The following PRKAG2 variants were observed in gnomAD, a reference collection of about 807,000 sequenced individuals.
PRKAG2 encodes protein kinase AMP-activated non-catalytic subunit gamma 2.
A neutral mutation model predicts 69.6 loss-of-function variants in PRKAG2; 26 were observed. That is an observed-to-expected ratio of 0.37 (90% confidence interval 0.27 to 0.52). The LOEUF is 0.52. Ranked by LOEUF, PRKAG2 falls within the 20% of genes least tolerant of loss-of-function variation. PRKAG2 has a pLI of 0.90. For missense variants in PRKAG2, 557 were observed against 740.0 expected, an observed-to-expected ratio of 0.75 and a Z score of 2.87; for synonymous variants, 293 against 285.0, an observed-to-expected ratio of 1.03 and a Z score of -0.28.
intron 4 of PRKAG2, among the ~76,000 whole-genome samples, chr7:151,672,886 A>G (rs546952672): frequency 2.9e-4 from 44 of 152,208 alleles, no homozygotes; most frequent in African/African-American, 1.1e-3. Context: ...GACACAGCTG[A>G]GCATACTCAC....
intron 3 of PRKAG2, among the ~76,000 whole-genome samples, chr7:151,765,960 T>C (rs1293954925): frequency 6.6e-6 from 1 of 152,228 alleles, no homozygotes; most frequent in East Asian, 1.9e-4. Flanking sequence ...ATTGGGGACC[T>C]TCCTAACGTT....
At chr7:151,700,083 T>C (rs917710433) in intron 3 of PRKAG2, among the ~76,000 whole-genome samples, 14 of 152,230 alleles carry the variant, frequency 9.2e-5, no homozygotes, top group Non-Finnish European at 1.9e-4. Context: ...TGTCATCTCA[T>C]AGGAAACAGG....
intron 3 of PRKAG2, among the ~76,000 whole-genome samples, chr7:151,749,570 A>AT (rs761640299): frequency 7.4e-4 from 112 of 152,356 alleles, no homozygotes; most frequent in Middle Eastern, 3.4e-3. Flanking sequence ...CATATATCTG[A>AT]TAAGTGTCTA....
At chr7:151,684,781 G>A (rs2151505946) in intron 3 of PRKAG2, among the ~76,000 whole-genome samples, 1 of 152,240 alleles carries the variant, frequency 6.6e-6, no homozygotes, top group Admixed American at 6.5e-5. Flanking sequence ...TGACAAGTTG[G>A]GGTCTCCTCC....
chr7:151,631,903 G>C, intron 5 of PRKAG2, 166 bp downstream of exon 5: 1 of 634,448 alleles, frequency 1.6e-6, no homozygotes, highest in Non-Finnish European at 2.3e-6. Flanking sequence ...GAGCTCGCCG[G>C]CGCCCGCATC....
rs73728300 is a variant in PRKAG2 at position 151,802,706 on chromosome 7, G to A, written c.115-16165C>T. ...CTGAAACCTTCAGTGGTTGCTTCCT[G>A]CCTGCAGAAGGTGTCGGACTCTGCC... On this transcript the variant is annotated intron_variant, in intron 1 of 15. Transcript: ENST00000287878. Among the ~76,000 whole-genome samples, 689 of 152,186 alleles carry A rather than the reference G, an allele frequency of 4.5e-3. 7 individuals carry two copies. Among genetic ancestry groups the A allele is most frequent in the African/African-American group, 0.016 (665 of 41,536 alleles).
At chr7:151,717,998 A>T (rs960859095) in intron 3 of PRKAG2, among the ~76,000 whole-genome samples, 3 of 151,926 alleles carry the variant, frequency 2.0e-5, no homozygotes, top group Admixed American at 2.0e-4. Flanking sequence ...GAGTGGGGGG[A>T]AGGGGCTCTG....
intron 1 of PRKAG2, among the ~76,000 whole-genome samples, chr7:151,822,879 T>G (rs1420283761): frequency 6.6e-6 from 1 of 152,186 alleles, no homozygotes; most frequent in Non-Finnish European, 1.5e-5. Context: ...ACACAGAATG[T>G]TCAGCCCTGA....
rs1805978750 is a variant in PRKAG2, at chr7:151,565,268, A to T, written c.1437+78T>A. 3 of 1,133,536 alleles carry T rather than the reference A, an allele frequency of 2.6e-6. No homozygotes were observed. The East Asian group carries it at 8.5e-5, about 32-fold the overall frequency. 70.2% of individuals were successfully genotyped at this position (1,133,536 alleles called of 1,614,324 possible). The stretch of plus-strand genomic sequence containing the variant: ...AGAAATTATTAAATTAAGAAACAAG[A>T]TAAAAACATAAAAACACATTACATG... On this transcript the variant is annotated intron_variant, in intron 13 of 15. Transcript: ENST00000287878.
Position 151,632,358 on chromosome 7 carries a change from C to A in PRKAG2, c.685-220G>T. 1 of 528,310 alleles carries A rather than the reference C, an allele frequency of 1.9e-6. No individual in the cohort carries two copies. The highest frequency in any genetic ancestry group is 2.4e-6 in the Non-Finnish European group (1 of 414,716). 32.7% of individuals were successfully genotyped at this position (528,310 alleles called of 1,614,324 possible). ...CGCCGCAGGTGGCGCGGCCGCGGCCCGCGTGCCCCTCCGCGAGTGGGACGC... is the reference window on the plus strand; with the variant it reads ...CGCCGCAGGTGGCGCGGCCGCGGCCAGCGTGCCCCTCCGCGAGTGGGACGC... On this transcript the variant is annotated intron_variant, in intron 4 of 15. Transcript: ENST00000287878. This position sits in a 1 kb window ranked among gnomAD's most constrained non-coding sequence, Gnocchi z 4.2.
intron 1 of PRKAG2, among the ~76,000 whole-genome samples, chr7:151,825,524 C>A (rs1416999211): frequency 6.6e-6 from 1 of 152,228 alleles, no homozygotes; most frequent in African/African-American, 2.4e-5. Context: ...CATGCACTGG[C>A]CGCTCCCCAT....
At chr7:151,566,677 T>A in intron 11 of PRKAG2, 1 of 403,972 alleles carries the variant, frequency 2.5e-6, no homozygotes. Context: ...AAAGAGTTCA[T>A]CAATATTCAA....
chr7:151,736,127 C>A (rs1799757021), intron 3 of PRKAG2: 2 of 1,479,036 alleles, frequency 1.4e-6, no homozygotes, highest in South Asian at 1.3e-5. Context: ...CTCAGAGTGG[C>A]AGCCTGTGCT....
chr7:151,853,196 G>C (rs977469777), intron 1 of PRKAG2, among the ~76,000 whole-genome samples: 1 of 152,206 alleles, frequency 6.6e-6, no homozygotes, highest in Non-Finnish European at 1.5e-5. Context: ...GGATGCGTGA[G>C]TGTGCTGTCC....
At chr7:151,837,660 C>T (rs79369446) in intron 1 of PRKAG2, among the ~76,000 whole-genome samples, 14,338 of 152,128 alleles carry the variant, frequency 0.094, 990 homozygotes, top group East Asian at 0.36. Context: ...TTCTGAATGC[C>T]ACACGCGAGG....
intron 5 of PRKAG2, among the ~76,000 whole-genome samples, chr7:151,619,491 G>A (rs1227273559): frequency 2.6e-5 from 4 of 152,196 alleles, no homozygotes; most frequent in African/African-American, 4.8e-5. Flanking sequence ...AGTCAGGAAC[G>A]ATGGTGATGC....
chr7:151,599,841 A>C (rs1413570321), intron 5 of PRKAG2, among the ~76,000 whole-genome samples: 2 of 152,150 alleles, frequency 1.3e-5, no homozygotes, highest in African/African-American at 4.8e-5. Context: ...CTGACCTATA[A>C]GACCTGGGAG....
chr7:151,864,234 C>G (rs2080005969), intron 1 of PRKAG2, among the ~76,000 whole-genome samples: 1 of 152,236 alleles, frequency 6.6e-6, no homozygotes, highest in Admixed American at 6.5e-5. Context: ...AAGCCCTTCC[C>G]TGACCGTAGC....
chr7:151,585,866 G>A (rs921727033), intron 6 of PRKAG2, among the ~76,000 whole-genome samples: 5 of 152,230 alleles, frequency 3.3e-5, no homozygotes, highest in Admixed American at 6.5e-5. Context: ...CAGGAAGGGA[G>A]GAAGGAGACG....
Sources: gnomAD v4.1 joint callset for allele counts (sites outside exome capture counted in the v4.1 genomes callset) on GRCh38, gnomAD v4.1.1 for gene constraint, Gnocchi (gnomAD v3.1) non-coding constraint, MANE v1.5 for transcripts, NCBI Gene and HGNC (gene_info 2026-07-23, HGNC 2026-07-21) for gene names.